The following TENM3 variants were observed in gnomAD, a reference collection of about 807,000 sequenced individuals.
TENM3 encodes teneurin transmembrane protein 3.
TENM3 carries 63 observed loss-of-function variants against 255.1 expected under a neutral mutation model. The ratio of observed to expected loss-of-function variants is 0.25; its 90% CI spans 0.20 to 0.30. The LOEUF (loss-of-function observed/expected upper bound fraction) is 0.30, where lower values mean the gene tolerates loss of function less well. TENM3 is among the 10% of genes least tolerant of loss of function. TENM3 has a pLI of 1.00. For synonymous variants in TENM3, 1,306 were observed against 1,322.3 expected, an observed-to-expected ratio of 0.99 and a Z score of 0.27; for missense variants, 2,929 against 3,461.1, an observed-to-expected ratio of 0.85 and a Z score of 3.86.
At chr4:182,543,399 C>G (rs184638480) in intron 3 of TENM3, among the ~76,000 whole-genome samples, 452 of 152,248 alleles carry the variant, frequency 3.0e-3, no homozygotes, top group Non-Finnish European at 4.6e-3. Flanking sequence ...AGGGTCATTG[C>G]TTCTATTTGG....
chr4:182,394,129 A>C (rs1768634579), intron 3 of TENM3, among the ~76,000 whole-genome samples: 2 of 152,194 alleles, frequency 1.3e-5, no homozygotes, highest in Non-Finnish European at 2.9e-5. Context: ...GAAGGTCACC[A>C]ATGCATCTAT....
intron 3 of TENM3, among the ~76,000 whole-genome samples, chr4:182,519,581 T>C (rs1560863632): frequency 6.6e-6 from 1 of 152,206 alleles, no homozygotes; most frequent in Non-Finnish European, 1.5e-5. Context: ...ATTTGTTAAG[T>C]GAAGGAGCTG....
chr4:181,851,433 C>T, the TENM3 span, among the ~76,000 whole-genome samples: 2 of 152,176 alleles, frequency 1.3e-5, no homozygotes, highest in Non-Finnish European at 2.9e-5. Flanking sequence ...TTTAGCACTC[C>T]CAGAAGAGTA....
the TENM3 span, among the ~76,000 whole-genome samples, chr4:181,661,928 G>A: frequency 1.3e-5 from 2 of 149,058 alleles, no homozygotes; most frequent in African/African-American, 2.5e-5. Context: ...ACCTCATTCT[G>A]CTTTTCGGTT....
chr4:182,576,308 C>A (rs752264617), intron 3 of TENM3, among the ~76,000 whole-genome samples: 40 of 152,098 alleles, frequency 2.6e-4, no homozygotes, highest in Non-Finnish European at 5.0e-4. Flanking sequence ...GACACACATG[C>A]GGTAGGTCTG....
chr4:182,238,201 T>A (rs532360781), intron 1 of TENM3, among the ~76,000 whole-genome samples: 2 of 152,256 alleles, frequency 1.3e-5, no homozygotes, highest in South Asian at 4.2e-4. Context: ...TATGTGAGTC[T>A]GGGGTCGTCG....
At chr4:182,569,225 G>C (rs1242783269) in intron 3 of TENM3, among the ~76,000 whole-genome samples, 1 of 152,180 alleles carries the variant, frequency 6.6e-6, no homozygotes, top group Non-Finnish European at 1.5e-5. Context: ...AGGAAAATGT[G>C]ATACCTTAAA....
the TENM3 span, among the ~76,000 whole-genome samples, chr4:181,516,937 T>G: frequency 6.6e-6 from 1 of 152,282 alleles, no homozygotes; most frequent in East Asian, 1.9e-4. Flanking sequence ...ACTTATCAAG[T>G]GACAGAGTAG....
At chr4:181,763,902 G>C in the TENM3 span, among the ~76,000 whole-genome samples, 1 of 152,174 alleles carries the variant, frequency 6.6e-6, no homozygotes, top group Non-Finnish European at 1.5e-5. Flanking sequence ...AGAGTGTGTT[G>C]ACATACACAT....
Position 182,714,157 on chromosome 4 carries a change from C to T in TENM3, c.2292C>T (p.Cys764=). 1 of 1,613,468 alleles carries T rather than the reference C, an allele frequency of 6.2e-7. No homozygotes were observed. The highest frequency in any genetic ancestry group is 2.2e-5 in the East Asian group (1 of 44,862). The change falls in exon 13 of 28, where the codon TGC becomes TGT. Residue 764 remains cysteine (C), a synonymous_variant. Transcript: ENST00000511685. ...ACCAAAATGGCTGGCATTGTGTGTG[C>T]CAGCCTGGATGGAGAGGAGCAGGCT... The part of the protein sequence containing the change: ...TLDQNGWHCV[C]QPGWRGAGCD...
the TENM3 span, among the ~76,000 whole-genome samples, chr4:181,570,146 C>T: frequency 6.0e-5 from 9 of 149,268 alleles, no homozygotes; most frequent in South Asian, 6.3e-4. Flanking sequence ...CCCGGGTTCA[C>T]GCCATTCTCC....
chr4:181,830,234 C>A, the TENM3 span, among the ~76,000 whole-genome samples: 1 of 152,086 alleles, frequency 6.6e-6, no homozygotes, highest in Non-Finnish European at 1.5e-5. Flanking sequence ...AGAATTGTTG[C>A]ATCCTGCTTG....
At chr4:181,841,544 T>C in the TENM3 span, among the ~76,000 whole-genome samples, 12 of 152,268 alleles carry the variant, frequency 7.9e-5, no homozygotes, top group East Asian at 2.3e-3. Context: ...GCAGATTTGG[T>C]TTTATGTATT....
At chr4:182,099,578 A>T in the TENM3 span, among the ~76,000 whole-genome samples, 8 of 152,132 alleles carry the variant, frequency 5.3e-5, no homozygotes, top group Non-Finnish European at 1.2e-4. Context: ...TTCAAATCTC[A>T]TTGTTTGTAA....
At chr4:181,624,379 C>A in the TENM3 span, among the ~76,000 whole-genome samples, 2 of 152,152 alleles carry the variant, frequency 1.3e-5, no homozygotes, top group Admixed American at 6.6e-5. Context: ...ATCCCATGGC[C>A]ACATCTACCC....
At chr4:182,350,762 G>A (rs1456852537) in intron 3 of TENM3, among the ~76,000 whole-genome samples, 1 of 152,156 alleles carries the variant, frequency 6.6e-6, no homozygotes, top group Non-Finnish European at 1.5e-5. Flanking sequence ...TCAGCTCACT[G>A]CAACCTCTGC....
the TENM3 span, among the ~76,000 whole-genome samples, chr4:182,123,193 C>G: frequency 1.3e-5 from 2 of 152,036 alleles, no homozygotes; most frequent in Non-Finnish European, 1.5e-5. Context: ...TTGTTTTTTC[C>G]TATCCAGACC....
At chr4:181,786,779 G>A in the TENM3 span, among the ~76,000 whole-genome samples, 2 of 152,034 alleles carry the variant, frequency 1.3e-5, no homozygotes, top group African/African-American at 4.8e-5. Flanking sequence ...CACTTGGTGG[G>A]GGACAAGGCA....
the TENM3 span, among the ~76,000 whole-genome samples, chr4:182,002,485 C>T: frequency 6.6e-5 from 10 of 152,028 alleles, no homozygotes; most frequent in African/African-American, 2.4e-4. Flanking sequence ...CGAAGAGGCT[C>T]ACTTTAGTCA....
Sources: gnomAD v4.1 joint callset for allele counts (sites outside exome capture counted in the v4.1 genomes callset) on GRCh38, gnomAD v4.1.1 for gene constraint, MANE v1.5 for transcripts, NCBI Gene and HGNC (gene_info 2026-07-23, HGNC 2026-07-21) for gene names.